The following THSD7A variants were observed in gnomAD, a reference collection of about 807,000 sequenced individuals.
THSD7A encodes thrombospondin type-1 domain-containing protein 7A.
In THSD7A, 96 loss-of-function variants were observed where a neutral mutation model predicts 231.3. That is an observed-to-expected ratio of 0.41 (90% CI 0.35 to 0.49). The LOEUF (loss-of-function observed/expected upper bound fraction) is 0.49. Among genes scored for constraint, THSD7A ranks in the 20% least tolerant of loss-of-function variants. THSD7A has a pLI of 0.05. For synonymous variants in THSD7A, 940 were observed against 743.3 expected (o/e 1.26, Z -4.30); for missense variants, 2,290 against 2,070.2 (o/e 1.11, Z -2.06).
chr7:11,737,971 A>C (rs1330866205), intron 1 of THSD7A, among the ~76,000 whole-genome samples: 1 of 151,608 alleles, frequency 6.6e-6, no homozygotes, highest in Non-Finnish European at 1.5e-5. Context: ...AAACTGCATG[A>C]CTCTCTCATT....
chr7:11,379,604 G>A, intron 25 of THSD7A, 26 bp downstream of exon 25: 1 of 1,555,696 alleles, frequency 6.4e-7, no homozygotes, highest in Non-Finnish European at 8.7e-7. Context: ...GAGCTGGCTT[G>A]TCTGCCCTGA....
At chr7:11,521,730 T>C (rs938191331) in intron 6 of THSD7A, among the ~76,000 whole-genome samples, 1 of 137,662 alleles carries the variant, frequency 7.3e-6, no homozygotes, top group African/African-American at 2.7e-5. Flanking sequence ...ATTCATTGTA[T>C]GACGTTTCCT....
At chr7:11,537,622 TTCCTGTACAGCGCCA>T (rs1788967436) in intron 6 of THSD7A, among the ~76,000 whole-genome samples, 2 of 129,694 alleles carry the variant, frequency 1.5e-5, no homozygotes, top group Admixed American at 1.5e-4. Context: ...AGTGCCATGC[TTCCTGTACAGCGCCA>T]TGCTTCCTGT....
chr7:11,470,508 T>A (rs1383233727), intron 8 of THSD7A, among the ~76,000 whole-genome samples: 1 of 151,806 alleles, frequency 6.6e-6, no homozygotes, highest in African/African-American at 2.4e-5. Context: ...CAAAACACAA[T>A]ACTGTATTAA....
chr7:11,388,700 G>A (rs1459713779), intron 23 of THSD7A, among the ~76,000 whole-genome samples: 1 of 151,966 alleles, frequency 6.6e-6, no homozygotes, highest in Admixed American at 6.6e-5. Flanking sequence ...CTTCAGTTCT[G>A]CTAGCTTTTG....
Position 11,412,611 on chromosome 7 carries a change from A to C in THSD7A, c.3682+45T>G, listed in dbSNP as rs767696112. ...CAGGAATGCTTCAGAGCTGACAGACACAGGATTTGGACTTAACTCCGTGAT... is the reference window on the plus strand; with the variant it reads ...CAGGAATGCTTCAGAGCTGACAGACCCAGGATTTGGACTTAACTCCGTGAT... On this transcript the variant is annotated intron_variant, in intron 18 of 27. Transcript: ENST00000423059. 1.5e-5 allele frequency: 24 copies of C among 1,609,316 alleles called. No individual in the cohort carries two copies. In the Admixed American group the frequency reaches 2.5e-4, roughly 17 times the overall value.
intron 2 of THSD7A, among the ~76,000 whole-genome samples, chr7:11,618,345 G>A (rs2128351992): frequency 6.6e-6 from 1 of 152,230 alleles, no homozygotes; most frequent in South Asian, 2.1e-4. Context: ...CACGTAAGAT[G>A]TATATTTTAT....
chr7:11,824,980 AGTCTTTGGTAAGTGCT>A (rs1444470561), intron 1 of THSD7A, among the ~76,000 whole-genome samples: 2 of 152,154 alleles, frequency 1.3e-5, no homozygotes, highest in Non-Finnish European at 2.9e-5. Context: ...ACATTTTTAT[AGTCTTTGGTAAGTGCT>A]GTCTACACAT....
chr7:11,746,366 G>C (rs548654381), intron 1 of THSD7A, among the ~76,000 whole-genome samples: 3 of 151,886 alleles, frequency 2.0e-5, no homozygotes, highest in South Asian at 4.1e-4. Context: ...ATTTTATTTG[G>C]ATTTCACCAG....
intron 6 of THSD7A, among the ~76,000 whole-genome samples, chr7:11,492,776 A>AC (rs1418693269): frequency 5.5e-4 from 83 of 152,234 alleles, no homozygotes; most frequent in African/African-American, 1.8e-3. Context: ...AATCATCACC[A>AC]TTAAACTTTT....
chr7:11,792,136 C>T (rs961209479), intron 1 of THSD7A, among the ~76,000 whole-genome samples: 11 of 151,934 alleles, frequency 7.2e-5, no homozygotes, highest in African/African-American at 2.7e-4. Context: ...TCTTACTCGT[C>T]ATTATATTTA....
At chr7:11,820,343 C>T (rs1784836046) in intron 1 of THSD7A, 8 of 988,458 alleles carry the variant, frequency 8.1e-6, no homozygotes, top group Middle Eastern at 3.5e-4. Flanking sequence ...TGTAAATTGT[C>T]CTTCTCTTCT....
At chr7:11,660,244 G>C (rs973256258) in intron 1 of THSD7A, among the ~76,000 whole-genome samples, 1 of 151,542 alleles carries the variant, frequency 6.6e-6, no homozygotes, top group African/African-American at 2.4e-5. Context: ...ATGTTCAAAA[G>C]AGATATGGTT....
rs113707913 is a variant in THSD7A at position 11,565,895 on chromosome 7, A to G, written c.1454-22778T>C. Among the ~76,000 whole-genome samples the G allele has an allele frequency of 1.5e-3, 227 of 152,286 alleles. 3 individuals are homozygous for G. The highest frequency in any genetic ancestry group is 5.3e-3 in the African/African-American group (219 of 41,554). On this transcript the variant is annotated intron_variant, in intron 4 of 27. Coordinates refer to ENST00000423059, the MANE Select transcript of THSD7A (RefSeq NM_015204.3). ...CACCTGTTCCTGCAGTTGCCAACTG[A>G]ATTGGCAGGTCTGAATTAAACTGCT...
chr7:11,582,932 T>C (rs1366680673), intron 4 of THSD7A, among the ~76,000 whole-genome samples: 1 of 152,136 alleles, frequency 6.6e-6, no homozygotes. Context: ...TCTGTGTTTT[T>C]TTTTACCACT....
rs181333237 is a variant in THSD7A, at chr7:11,411,623, T to C, written c.3683-301A>G. Among the ~76,000 whole-genome samples, 18 of 152,354 alleles carry C rather than the reference T, an allele frequency of 1.2e-4. No individual in the cohort carries two copies. Among genetic ancestry groups the C allele is most frequent in the African/African-American group, 4.1e-4 (17 of 41,578 alleles). On this transcript the variant is annotated intron_variant, in intron 18 of 27. Transcript: ENST00000423059. This position sits in a 1 kb window ranked among gnomAD's most constrained non-coding sequence, Gnocchi z 4.1. ...CTTTGGCTTACAGATCAATGTCACTTAAAAACTTTCTTTCCCAATAAAAAT... is the reference window on the plus strand; with the variant it reads ...CTTTGGCTTACAGATCAATGTCACTCAAAAACTTTCTTTCCCAATAAAAAT...
intron 6 of THSD7A, among the ~76,000 whole-genome samples, chr7:11,492,023 T>C (rs1786913606): frequency 6.6e-6 from 1 of 152,100 alleles, no homozygotes; most frequent in African/African-American, 2.4e-5. Context: ...GCCACACTGC[T>C]GTGACTACAT....
At chr7:11,677,864 C>G (rs1345006598) in intron 1 of THSD7A, among the ~76,000 whole-genome samples, 1 of 152,080 alleles carries the variant, frequency 6.6e-6, no homozygotes, top group Non-Finnish European at 1.5e-5. Flanking sequence ...GTCTACAAAA[C>G]TCTCCACCCC....
At chr7:11,477,170 A>T (rs1786225226) in intron 7 of THSD7A, among the ~76,000 whole-genome samples, 1 of 152,232 alleles carries the variant, frequency 6.6e-6, no homozygotes, top group Non-Finnish European at 1.5e-5. Context: ...AGAATCAAGC[A>T]TTACATTTAG....
Sources: allele counts gnomAD v4.1 joint callset (sites outside exome capture counted in the v4.1 genomes callset), GRCh38; gene constraint gnomAD v4.1.1; non-coding constraint Gnocchi (gnomAD v3.1); transcripts MANE v1.5; gene names NCBI Gene and HGNC (gene_info 2026-07-23, HGNC 2026-07-21).